Variants in CCAR1 observed in about 807,000 individuals in gnomAD.
CCAR1 encodes cell division cycle and apoptosis regulator protein 1.
CCAR1 carries 78 observed loss-of-function variants against 163.8 expected under a neutral mutation model. The ratio of observed to expected loss-of-function variants is 0.48; its 90% CI spans 0.40 to 0.57. CCAR1 has a LOEUF of 0.57. CCAR1 is among the 20% of genes least tolerant of loss of function. CCAR1 has a pLI of 0.00. For synonymous variants in CCAR1, 443 were observed against 460.7 expected, an observed-to-expected ratio of 0.96 and a Z score of 0.49; for missense variants, 1,019 against 1,365.2, an observed-to-expected ratio of 0.75 and a Z score of 4.00.
chr10:68,764,665 A>C (rs978680406), intron 16 of CCAR1, among the ~76,000 whole-genome samples: 1 of 152,120 alleles, frequency 6.6e-6, no homozygotes, highest in Non-Finnish European at 1.5e-5. Context: ...TCCCACGGCC[A>C]CTTCTATTAG....
At chr10:68,741,869 T>G (rs1018882482) in intron 5 of CCAR1, among the ~76,000 whole-genome samples, 1 of 152,202 alleles carries the variant, frequency 6.6e-6, no homozygotes, top group Non-Finnish European at 1.5e-5. Flanking sequence ...AAAATATACT[T>G]GAATTGAGAA....
chr10:68,742,257 G>A (rs2056192697), intron 5 of CCAR1, 119 bp from the exon 6 acceptor site: 2 of 696,384 alleles, frequency 2.9e-6, no homozygotes, highest in African/African-American at 1.8e-5. Context: ...AGATGTACAT[G>A]TATATCTTCT....
At chr10:68,730,582 C>T (rs934710390) in intron 2 of CCAR1, among the ~76,000 whole-genome samples, 5 of 151,984 alleles carry the variant, frequency 3.3e-5, no homozygotes, top group East Asian at 1.9e-4. Context: ...GTGATCTGCC[C>T]GCCTCAGTCT....
chr10:68,758,503 AGTGTGTGTGT>A (rs71028777), intron 15 of CCAR1, among the ~76,000 whole-genome samples: 395 of 124,606 alleles, frequency 3.2e-3, no homozygotes, highest in East Asian at 8.4e-3. Flanking sequence ...CATCCTGGGC[AGTGTGTGTGT>A]GTGTGTGTGT....
Position 68,754,006 on chromosome 10 carries a change from G to C in CCAR1, c.1273G>C (p.Glu425Gln). 6.2e-7 allele frequency: 1 copy of C among 1,613,974 alleles called. No homozygotes were observed. The highest frequency in any genetic ancestry group is 8.5e-7 in the Non-Finnish European group (1 of 1,179,910). The change falls in exon 11 of 25, where the codon GAA (glutamate) becomes CAA (glutamine). Residue 425 changes from glutamate (E) to glutamine (Q), a missense_variant. Coordinates refer to ENST00000265872, the MANE Select transcript of CCAR1 (RefSeq NM_018237.4). ...NYCNFYVMHREVESLEKNMAI... is the reference protein window; with the variant it reads ...NYCNFYVMHRQVESLEKNMAI... ...CTGCAATTTTTATGTAATGCACAGA[G>C]AAGTAGAGTCCTTAGAAAAAAATAT...
At chr10:68,760,894 C>A in intron 15 of CCAR1, 113 bp from the exon 16 acceptor site, 4 of 359,628 alleles carry the variant, frequency 1.1e-5, no homozygotes, top group East Asian at 5.5e-5. Flanking sequence ...AAAAAAAAAA[C>A]ACACAAAATA....
intron 2 of CCAR1, among the ~76,000 whole-genome samples, chr10:68,728,567 C>T (rs2055983617): frequency 6.6e-6 from 1 of 152,110 alleles, no homozygotes; most frequent in Non-Finnish European, 1.5e-5. Context: ...CAAAGGACTT[C>T]TGTCTGAGAG....
chr10:68,768,960 T>C (rs1244744234), intron 17 of CCAR1, among the ~76,000 whole-genome samples: 4 of 152,246 alleles, frequency 2.6e-5, no homozygotes, highest in Non-Finnish European at 5.9e-5. Flanking sequence ...ATTTAAGGGC[T>C]GTGGTCAACC....
At chr10:68,753,482 A>G (rs1388099320) in intron 10 of CCAR1, among the ~76,000 whole-genome samples, 1 of 152,186 alleles carries the variant, frequency 6.6e-6, no homozygotes, top group African/African-American at 2.4e-5. Context: ...TAATACTCTC[A>G]TTGCTGTTTT....
At chr10:68,786,089 G>A in intron 19 of CCAR1, 47 bp from the exon 20 acceptor site, 2 of 1,270,970 alleles carry the variant, frequency 1.6e-6, no homozygotes, top group Non-Finnish European at 2.3e-6. Context: ...CCACTTGAAA[G>A]TATGTGTATT....
At chr10:68,768,159 A>G (rs2056558077) in intron 17 of CCAR1, among the ~76,000 whole-genome samples, 1 of 152,240 alleles carries the variant, frequency 6.6e-6, no homozygotes, top group Non-Finnish European at 1.5e-5. Flanking sequence ...TACTGAGGCA[A>G]TTATGAAACA....
intron 4 of CCAR1, among the ~76,000 whole-genome samples, chr10:68,738,775 A>G (rs540871419): frequency 3.9e-4 from 59 of 152,068 alleles, no homozygotes; most frequent in South Asian, 3.5e-3. Context: ...GGTGAGGCAC[A>G]GTGGTTCACG....
chr10:68,776,700 A>G (rs1024225422), intron 19 of CCAR1, among the ~76,000 whole-genome samples: 3 of 152,192 alleles, frequency 2.0e-5, no homozygotes, highest in South Asian at 2.1e-4. Flanking sequence ...CTACAGGTGC[A>G]TGCCATTGCA....
intron 2 of CCAR1, among the ~76,000 whole-genome samples, chr10:68,727,823 T>A (rs1476461643): frequency 1.3e-5 from 2 of 152,148 alleles, no homozygotes; most frequent in African/African-American, 2.4e-5. Flanking sequence ...CTTATTTTAT[T>A]TTTTTGAACA....
Position 68,728,228 on chromosome 10 carries a change from G to T in CCAR1, c.73+5651G>T, listed in dbSNP as rs549749351. Among the ~76,000 whole-genome samples the T allele has an allele frequency of 5.3e-5, 8 of 151,986 alleles. No individual in the cohort carries two copies. In the East Asian group the frequency reaches 1.5e-3, roughly 29 times the overall value. On this transcript the variant is annotated intron_variant, in intron 2 of 24. Coordinates refer to ENST00000265872, the MANE Select transcript of CCAR1 (RefSeq NM_018237.4). ...TGTATTTAAACTATTAAAATATGGAGGTGGATTTACCAGATTCAGACCTAT... is the reference window on the plus strand; with the variant it reads ...TGTATTTAAACTATTAAAATATGGATGTGGATTTACCAGATTCAGACCTAT...
rs903661086 is a variant in CCAR1 at position 68,755,663 on chromosome 10, A to G, written c.1625+127A>G. On this transcript the variant is annotated intron_variant, in intron 13 of 24. Transcript: ENST00000265872. ...GGTCAATGCAGGTAATCTCAAAGGA[A>G]AATCCCCATTTGTAGCTAAAGTTTA... 14 of 668,600 alleles carry G rather than the reference A, an allele frequency of 2.1e-5. No individual in the cohort carries two copies. The South Asian group carries it at 4.6e-4, about 22-fold the overall frequency. 41.4% of individuals were successfully genotyped at this position (668,600 alleles called of 1,614,324 possible).
chr10:68,764,400 A>G (rs376936486), intron 16 of CCAR1, among the ~76,000 whole-genome samples: 8 of 151,710 alleles, frequency 5.3e-5, no homozygotes, highest in Non-Finnish European at 8.8e-5. Flanking sequence ...AAAAAAATTT[A>G]GCCGAGCATG....
chr10:68,764,642 C>T (rs957354203), intron 16 of CCAR1, among the ~76,000 whole-genome samples: 1 of 152,088 alleles, frequency 6.6e-6, no homozygotes, highest in African/African-American at 2.4e-5. Context: ...TTTTAGCAGG[C>T]CTGATTCTCC....
intron 15 of CCAR1, among the ~76,000 whole-genome samples, chr10:68,760,242 G>A (rs1370481382): frequency 6.6e-6 from 1 of 152,024 alleles, no homozygotes; most frequent in Non-Finnish European, 1.5e-5. Context: ...TAAACTCCTG[G>A]GCTCAAGCAG....
Sources: gnomAD v4.1 joint callset for allele counts (sites outside exome capture counted in the v4.1 genomes callset) on GRCh38, gnomAD v4.1.1 for gene constraint, MANE v1.5 for transcripts, NCBI Gene and HGNC (gene_info 2026-07-23, HGNC 2026-07-21) for gene names.